The following CSNK1G1 variants were observed in gnomAD, a reference collection of about 807,000 sequenced individuals.
CSNK1G1 encodes casein kinase 1 gamma 1.
Under a neutral mutation model 59.6 loss-of-function variants are expected in CSNK1G1, and 22 were observed. That is an observed-to-expected ratio of 0.37 (90% CI 0.26 to 0.53). The LOEUF (loss-of-function observed/expected upper bound fraction) is 0.53, where lower values mean the gene tolerates loss of function less well. Among genes scored for constraint, CSNK1G1 ranks in the 20% least tolerant of loss-of-function variants. CSNK1G1 has a pLI of 0.89. For missense variants in CSNK1G1, 384 were observed against 519.5 expected (o/e 0.74, Z 2.54); for synonymous variants, 179 against 177.1 (o/e 1.01, Z -0.08).
chr15:64,171,594 A>C lies in CSNK1G1; in HGVS notation c.*337T>G, dbSNP rs2081665544. 9.8e-6 allele frequency: 3 copies of C among 307,644 alleles called. No individual in the cohort carries two copies. The South Asian group carries it at 1.5e-4, about 15-fold the overall frequency. 19.1% of individuals were successfully genotyped at this position (307,644 alleles called of 1,614,324 possible). A position where few individuals can be genotyped will look rare whatever the true frequency, so the allele number is the denominator to read the frequency against. On this transcript the variant is annotated 3_prime_UTR_variant, in exon 12 of 12. Transcript: ENST00000303052. The surrounding 1 kb of genome is among the most constrained non-coding windows in gnomAD (Gnocchi z 4.8). ...GTGGGGTAAAAACCAGGAGTAAACT[A>C]AGGGGAAGAAGGAGAATAGCAGTCC...
At chr15:64,274,967 T>C (rs1185442064) in intron 2 of CSNK1G1, among the ~76,000 whole-genome samples, 1 of 152,218 alleles carries the variant, frequency 6.6e-6, no homozygotes, top group Non-Finnish European at 1.5e-5. Flanking sequence ...TAACTACTTT[T>C]ATATAACTCA....
intron 2 of CSNK1G1, among the ~76,000 whole-genome samples, chr15:64,285,647 A>C (rs1414705079): frequency 6.6e-6 from 1 of 152,200 alleles, no homozygotes. Flanking sequence ...ATAGTCCTTT[A>C]ATCAAAAAAC....
intron 2 of CSNK1G1, among the ~76,000 whole-genome samples, chr15:64,282,424 C>T (rs545641029): frequency 2.6e-5 from 4 of 152,140 alleles, no homozygotes; most frequent in Admixed American, 2.6e-4. Flanking sequence ...GCCACCATGC[C>T]TGGTTAATTT....
intron 1 of CSNK1G1, among the ~76,000 whole-genome samples, chr15:64,349,137 CAA>C (rs1258780843): frequency 5.1e-4 from 28 of 54,582 alleles, no homozygotes; most frequent in Admixed American, 1.2e-3. Flanking sequence ...AACTCCACCT[CAA>C]AAAAAAAAAA....
chr15:64,267,411 T>C (rs139366225), intron 2 of CSNK1G1, among the ~76,000 whole-genome samples: 1,880 of 152,208 alleles, frequency 0.012, 29 homozygotes, highest in African/African-American at 0.044. Context: ...ATTATTCATC[T>C]GACAAAGGGT....
chr15:64,179,185 G>A (rs900994179), intron 11 of CSNK1G1, among the ~76,000 whole-genome samples: 2 of 141,238 alleles, frequency 1.4e-5, no homozygotes, highest in Non-Finnish European at 3.0e-5. Flanking sequence ...AATAGAGGCT[G>A]CAGTTAGCCA....
At chr15:64,347,988 G>C (rs1039846975) in intron 1 of CSNK1G1, among the ~76,000 whole-genome samples, 62 of 147,016 alleles carry the variant, frequency 4.2e-4, no homozygotes, top group African/African-American at 1.6e-3. Flanking sequence ...CCTGGCGACA[G>C]AGCACAACTC....
intron 2 of CSNK1G1, among the ~76,000 whole-genome samples, chr15:64,281,329 G>A (rs931033753): frequency 3.9e-5 from 6 of 152,170 alleles, no homozygotes; most frequent in Admixed American, 1.3e-4. Context: ...TAGGGGCTGG[G>A]TGCAGCAGCT....
At chr15:64,349,448 G>T (rs1898162567) in intron 1 of CSNK1G1, among the ~76,000 whole-genome samples, 1 of 152,036 alleles carries the variant, frequency 6.6e-6, no homozygotes, top group East Asian at 1.9e-4. Context: ...TGATGGGTGA[G>T]AAATTATTAA....
chr15:64,271,885 A>G lies in CSNK1G1; in HGVS notation c.182-12644T>C, dbSNP rs563688097. ...TGCTGCTATTATTGTGTGGGAGTCT[A>G]CATCTCTTTGTAGGTATCTAAAAAC... On this transcript the variant is annotated intron_variant, in intron 2 of 11. Coordinates refer to ENST00000303052, the MANE Select transcript of CSNK1G1 (RefSeq NM_022048.5). Among the ~76,000 whole-genome samples the G allele has an allele frequency of 9.2e-5, 14 of 152,274 alleles. No individual in the cohort carries two copies. The South Asian group carries it at 2.9e-3, about 32-fold the overall frequency.
intron 4 of CSNK1G1, among the ~76,000 whole-genome samples, chr15:64,226,538 G>C (rs944259182): frequency 6.7e-6 from 1 of 149,316 alleles, no homozygotes; most frequent in African/African-American, 2.5e-5. Flanking sequence ...CCCAGTGACA[G>C]AGCAAGATTC....
intron 10 of CSNK1G1, among the ~76,000 whole-genome samples, chr15:64,185,386 A>T (rs1732114617): frequency 7.2e-6 from 1 of 139,130 alleles, no homozygotes; most frequent in Non-Finnish European, 1.7e-5. Flanking sequence ...AAACAGTGTC[A>T]GCCCAAAGAG....
At chr15:64,350,318 C>T (rs28619038) in intron 1 of CSNK1G1, among the ~76,000 whole-genome samples, 1 of 151,696 alleles carries the variant, frequency 6.6e-6, no homozygotes, top group Non-Finnish European at 1.5e-5. Context: ...ACGGTGAAAC[C>T]CCGTCTCTAC....
intron 11 of CSNK1G1, among the ~76,000 whole-genome samples, chr15:64,175,943 C>A (rs1323302088): frequency 6.6e-6 from 1 of 152,258 alleles, no homozygotes; most frequent in African/African-American, 2.4e-5. Context: ...CCTTTTACTT[C>A]TGTCCCTCTC....
At chr15:64,244,495 C>T (rs1891650323) in intron 4 of CSNK1G1, among the ~76,000 whole-genome samples, 2 of 151,778 alleles carry the variant, frequency 1.3e-5, no homozygotes, top group South Asian at 4.2e-4. Context: ...TATCAAAATA[C>T]CTAAGACATT....
intron 2 of CSNK1G1, among the ~76,000 whole-genome samples, chr15:64,291,586 C>T (rs751260941): frequency 6.6e-6 from 1 of 152,046 alleles, no homozygotes; most frequent in Non-Finnish European, 1.5e-5. Flanking sequence ...GAAACTCCAT[C>T]TCAAAAATAA....
At chr15:64,319,403 T>A (rs1189094925) in intron 1 of CSNK1G1, among the ~76,000 whole-genome samples, 12 of 152,160 alleles carry the variant, frequency 7.9e-5, no homozygotes, top group Non-Finnish European at 1.0e-4. Flanking sequence ...CTGAGACTAT[T>A]CAAAGGAAAT....
At chr15:64,310,919 C>T (rs540999343) in intron 1 of CSNK1G1, among the ~76,000 whole-genome samples, 3 of 149,058 alleles carry the variant, frequency 2.0e-5, no homozygotes, top group East Asian at 2.0e-4. Context: ...GCAGGAGAAT[C>T]GCTTGAGCCC....
chr15:64,196,475 G>A (rs1237303163), intron 10 of CSNK1G1, among the ~76,000 whole-genome samples: 4 of 149,826 alleles, frequency 2.7e-5, no homozygotes, highest in Non-Finnish European at 5.9e-5. Context: ...TTTTTGAGAC[G>A]GGTTTCACTT....
Sources: gnomAD v4.1 joint callset for allele counts (sites outside exome capture counted in the v4.1 genomes callset) on GRCh38, gnomAD v4.1.1 for gene constraint, Gnocchi (gnomAD v3.1) non-coding constraint, MANE v1.5 for transcripts, NCBI Gene and HGNC (gene_info 2026-07-23, HGNC 2026-07-21) for gene names.